Variants in SAMD5 observed in about 807,000 individuals in gnomAD.
SAMD5 encodes sterile alpha motif domain containing 5.
In SAMD5, 13 loss-of-function variants were observed where a neutral mutation model predicts 11.3. That is an observed-to-expected ratio of 1.15 (90% confidence interval 0.75 to 1.83). SAMD5 has a LOEUF of 1.83. SAMD5 is among the 40% of genes most tolerant of loss of function. The pLI, the probability that SAMD5 is intolerant of heterozygous loss-of-function variation, is 0.00. For missense variants in SAMD5, 255 were observed against 239.1 expected, an observed-to-expected ratio of 1.07 and a Z score of -0.44; for synonymous variants, 129 against 111.3, an observed-to-expected ratio of 1.16 and a Z score of -1.00.
At chr6:147,767,973 G>T in the SAMD5 span, among the ~76,000 whole-genome samples, 9 of 152,112 alleles carry the variant, frequency 5.9e-5, no homozygotes, top group African/African-American at 2.4e-5. Context: ...GAGGAAGGTG[G>T]GCATAGTGGA....
chr6:147,685,260 G>T (rs1008183004), intron 1 of SAMD5, among the ~76,000 whole-genome samples: 1 of 152,174 alleles, frequency 6.6e-6, no homozygotes, highest in South Asian at 2.1e-4. Context: ...GCAATGGTGC[G>T]ATCTCGGCTC....
intron 1 of SAMD5, among the ~76,000 whole-genome samples, chr6:147,512,959 G>C (rs1305249783): frequency 1.3e-5 from 2 of 152,188 alleles, no homozygotes; most frequent in African/African-American, 2.4e-5. Context: ...TCCAGAACTG[G>C]CCTATGACCT....
chr6:147,679,939 TCTA>T (rs1329227365), intron 1 of SAMD5, among the ~76,000 whole-genome samples: 2 of 152,042 alleles, frequency 1.3e-5, no homozygotes. Flanking sequence ...ATTTCTAGAC[TCTA>T]CTTTGTTCCA....
At chr6:147,750,507 G>A in the SAMD5 span, among the ~76,000 whole-genome samples, 1 of 152,180 alleles carries the variant, frequency 6.6e-6, no homozygotes, top group Non-Finnish European at 1.5e-5. Flanking sequence ...GAGTAAAAAT[G>A]CAAGGATCCG....
the SAMD5 span, among the ~76,000 whole-genome samples, chr6:147,799,035 G>C: frequency 6.6e-6 from 1 of 152,102 alleles, no homozygotes; most frequent in Non-Finnish European, 1.5e-5. Context: ...TTGCCAGTCT[G>C]TGTCTTTTAA....
At chr6:147,873,739 G>A in the SAMD5 span, among the ~76,000 whole-genome samples, 1 of 151,768 alleles carries the variant, frequency 6.6e-6, no homozygotes, top group Non-Finnish European at 1.5e-5. Context: ...ATTTAATTTG[G>A]CTTCCTTTCC....
At position 147,509,152 on chromosome 6, in the gene SAMD5, C is replaced by G; in HGVS notation, c.224C>G (p.Thr75Arg). 2 of 1,418,066 alleles carry G rather than the reference C, an allele frequency of 1.4e-6. No individual in the cohort carries two copies. Among genetic ancestry groups the G allele is most frequent in the Non-Finnish European group, 1.8e-6 (2 of 1,084,722 alleles). The allele number at this position is 1,418,066 out of a possible 1,614,324, so 87.8% of individuals were successfully genotyped here. A position where few individuals can be genotyped will look rare whatever the true frequency, so the allele number is the denominator to read the frequency against. The change falls in exon 1 of 2, where the codon ACG becomes AGG. Residue 75 changes from threonine to arginine, a missense_variant. Transcript: ENST00000367474. ...GCCAACGCCGCCGGCCTCTACTTCA[C>G]GCTTGAGCCGCAGCCGGCGCCCCCC... The part of the protein sequence containing the change: ...QDANAAGLYF[T>R]LEPQPAPPGP...
At chr6:147,912,760 T>C in the SAMD5 span, among the ~76,000 whole-genome samples, 1 of 151,952 alleles carries the variant, frequency 6.6e-6, no homozygotes, top group Non-Finnish European at 1.5e-5. Context: ...ATGAGAATGA[T>C]CACCAGGAAC....
chr6:147,953,154 A>G, the SAMD5 span, among the ~76,000 whole-genome samples: 1 of 152,132 alleles, frequency 6.6e-6, no homozygotes, highest in African/African-American at 2.4e-5. Context: ...TTTGTCAATA[A>G]TCCTTGTCCT....
intron 1 of SAMD5, among the ~76,000 whole-genome samples, chr6:147,642,762 G>A (rs568486340): frequency 6.6e-6 from 1 of 152,014 alleles, no homozygotes; most frequent in South Asian, 2.1e-4. Context: ...CCAAACTAAG[G>A]CTTCAAAACC....
At chr6:147,560,947 C>T (rs702338) in intron 1 of SAMD5, among the ~76,000 whole-genome samples, 3,608 of 152,236 alleles carry the variant, frequency 0.024, 60 homozygotes, top group African/African-American at 0.034. Flanking sequence ...TAAGAACTTC[C>T]TGATTGAGAG....
chr6:147,702,293 A>C (rs1197159407), intron 1 of SAMD5, among the ~76,000 whole-genome samples: 1 of 152,250 alleles, frequency 6.6e-6, no homozygotes, highest in Non-Finnish European at 1.5e-5. Context: ...TATGGGAGCT[A>C]TAATTCAAGA....
chr6:147,527,946 C>G (rs1788369300), intron 1 of SAMD5, among the ~76,000 whole-genome samples: 1 of 152,076 alleles, frequency 6.6e-6, no homozygotes. Context: ...AAAGCAGGAG[C>G]AGGCATCTTA....
chr6:147,918,372 A>G, the SAMD5 span, among the ~76,000 whole-genome samples: 1 of 152,024 alleles, frequency 6.6e-6, no homozygotes, highest in Non-Finnish European at 1.5e-5. Context: ...TTTGTCTGTT[A>G]TTGGTGTATA....
chr6:147,551,489 T>A (rs111264255), intron 1 of SAMD5, among the ~76,000 whole-genome samples: 26 of 152,158 alleles, frequency 1.7e-4, no homozygotes, highest in Non-Finnish European at 2.6e-4. Context: ...GCACTTACCA[T>A]GCGAGTGTGA....
chr6:147,642,159 C>A (rs1386049469), intron 1 of SAMD5, among the ~76,000 whole-genome samples: 1 of 152,218 alleles, frequency 6.6e-6, no homozygotes, highest in Non-Finnish European at 1.5e-5. Flanking sequence ...TAGACTGCAA[C>A]CACACTGTAA....
chr6:147,883,633 G>C, the SAMD5 span, among the ~76,000 whole-genome samples: 2,834 of 152,148 alleles, frequency 0.019, 106 homozygotes, highest in African/African-American at 0.066. Flanking sequence ...GATTATAAAG[G>C]CTTCAGCTAA....
the SAMD5 span, among the ~76,000 whole-genome samples, chr6:147,845,990 C>G: frequency 6.6e-6 from 1 of 151,970 alleles, no homozygotes; most frequent in Non-Finnish European, 1.5e-5. Context: ...CATCAAGAGG[C>G]GTACAATTAA....
At chr6:147,877,847 T>TACATACACACAC in the SAMD5 span, among the ~76,000 whole-genome samples, 1 of 113,128 alleles carries the variant, frequency 8.8e-6, no homozygotes, top group East Asian at 2.3e-4. Flanking sequence ...TTTATATAAA[T>TACATACACACAC]ACACACACAC....
Sources: gnomAD v4.1 joint callset for allele counts (sites outside exome capture counted in the v4.1 genomes callset) on GRCh38, gnomAD v4.1.1 for gene constraint, MANE v1.5 for transcripts, NCBI Gene and HGNC (gene_info 2026-07-23, HGNC 2026-07-21) for gene names.